FARS2: variants seen among roughly 807,000 people sequenced by gnomAD.
FARS2 encodes the protein phenylalanyl-tRNA synthetase 2, mitochondrial.
A neutral mutation model predicts 46.4 loss-of-function variants in FARS2; 40 were observed. That is an observed-to-expected ratio of 0.86 (90% confidence interval 0.67 to 1.12). FARS2 has a LOEUF of 1.12. FARS2 is among the 50% of genes most tolerant of loss of function. The pLI is 0.00. For synonymous variants in FARS2, 234 were observed against 214.9 expected (o/e 1.09, Z -0.78); for missense variants, 513 against 567.9 (o/e 0.90, Z 0.98).
chr6:5,679,326 G>A (rs774747180), intron 6 of FARS2, among the ~76,000 whole-genome samples: 14 of 152,040 alleles, frequency 9.2e-5, no homozygotes, highest in Non-Finnish European at 1.6e-4. Flanking sequence ...ACATAATTGC[G>A]ACCAAAATGT....
intron 1 of FARS2, among the ~76,000 whole-genome samples, chr6:5,329,892 A>T (rs1770673649): frequency 6.6e-6 from 1 of 152,158 alleles, no homozygotes; most frequent in Non-Finnish European, 1.5e-5. Flanking sequence ...TCGAGCTTTA[A>T]TTACATCGAC....
intron 5 of FARS2, among the ~76,000 whole-genome samples, chr6:5,573,903 G>A (rs1772803792): frequency 6.6e-6 from 1 of 152,138 alleles, no homozygotes; most frequent in Non-Finnish European, 1.5e-5. Context: ...CAATCTCAGG[G>A]AAGTAGAACA....
chr6:5,284,419 G>T (rs1323401791), intron 1 of FARS2, among the ~76,000 whole-genome samples: 1 of 152,112 alleles, frequency 6.6e-6, no homozygotes, highest in Non-Finnish European at 1.5e-5. Flanking sequence ...TCGATCGTAG[G>T]ACAAGTTAGA....
intron 4 of FARS2, among the ~76,000 whole-genome samples, chr6:5,435,504 C>T (rs996948669): frequency 1.3e-5 from 2 of 152,178 alleles, no homozygotes; most frequent in Admixed American, 1.3e-4. Context: ...TTCCTTAAGT[C>T]GTAGTGTCTT....
At chr6:5,312,794 G>A (rs1434151936) in intron 1 of FARS2, among the ~76,000 whole-genome samples, 1 of 152,198 alleles carries the variant, frequency 6.6e-6, no homozygotes, top group Non-Finnish European at 1.5e-5. Flanking sequence ...GCACAGTGTT[G>A]AATAGCAAAG....
chr6:5,298,247 C>T lies in FARS2; in HGVS notation c.-22+36587C>T, dbSNP rs971528089. On this transcript the variant is annotated intron_variant, in intron 1 of 6. Coordinates refer to ENST00000274680, the MANE Select transcript of FARS2 (RefSeq NM_006567.5). ...ATGTCACTCTCTGTCTCCACTGCTTCTTGTATTGTTGTCAGGGAGATGCCC... is the reference window on the plus strand; with the variant it reads ...ATGTCACTCTCTGTCTCCACTGCTTTTTGTATTGTTGTCAGGGAGATGCCC... Among the ~76,000 whole-genome samples, 3 of 152,208 alleles carry T rather than the reference C, an allele frequency of 2.0e-5. No homozygotes were observed. In the East Asian group the frequency reaches 5.8e-4, roughly 29 times the overall value.
chr6:5,510,717 A>G (rs969122603), intron 4 of FARS2, among the ~76,000 whole-genome samples: 1 of 152,134 alleles, frequency 6.6e-6, no homozygotes, highest in African/African-American at 2.4e-5. Context: ...GCTTGACCCC[A>G]TATGTAGTAG....
At chr6:5,523,995 T>G (rs2150434870) in intron 4 of FARS2, among the ~76,000 whole-genome samples, 1 of 152,280 alleles carries the variant, frequency 6.6e-6, no homozygotes, top group African/African-American at 2.4e-5. Context: ...CATGATGAAT[T>G]CTTAGTTTTT....
rs1211460970 is a variant in FARS2, at chr6:5,759,395, G to A, written c.1218-11896G>A. ...TTCTTTGTAATTCTTTAACTAATGC[G>A]TGTCTCCTATGCTAGACTGTGGAAT... On this transcript the variant is annotated intron_variant, in intron 6 of 6. Transcript: ENST00000274680. Among the ~76,000 whole-genome samples the A allele has an allele frequency of 3.3e-5, 5 of 151,986 alleles. No homozygotes were observed. The South Asian group carries it at 8.3e-4, about 25-fold the overall frequency.
intron 6 of FARS2, among the ~76,000 whole-genome samples, chr6:5,763,760 C>A (rs1762606862): frequency 9.4e-6 from 1 of 106,562 alleles, no homozygotes; most frequent in African/African-American, 3.1e-5. Context: ...ATCTTCTCTT[C>A]CCTTTTGGTT....
chr6:5,622,331 A>G (rs1316973627), intron 6 of FARS2, among the ~76,000 whole-genome samples: 1 of 152,208 alleles, frequency 6.6e-6, no homozygotes, highest in Non-Finnish European at 1.5e-5. Context: ...TTGTTGGCTC[A>G]TTCTTAGCTT....
At chr6:5,475,868 T>C (rs200213) in intron 4 of FARS2, among the ~76,000 whole-genome samples, 130,423 of 152,118 alleles carry the variant, frequency 0.86, 56,048 homozygotes, top group East Asian at 1. Context: ...CTGTCATGGA[T>C]GCCGGTCGTT....
chr6:5,496,871 T>G (rs973668992), intron 4 of FARS2, among the ~76,000 whole-genome samples: 1 of 152,278 alleles, frequency 6.6e-6, no homozygotes, highest in South Asian at 2.1e-4. Flanking sequence ...TTTTTAGAGG[T>G]AGAGGTCTCA....
At chr6:5,523,907 C>T (rs1394879037) in intron 4 of FARS2, among the ~76,000 whole-genome samples, 1 of 152,140 alleles carries the variant, frequency 6.6e-6, no homozygotes, top group East Asian at 1.9e-4. Flanking sequence ...ATGGGAGAGC[C>T]ACTGTTTCTT....
chr6:5,457,492 G>A (rs1347508901), intron 4 of FARS2, among the ~76,000 whole-genome samples: 2 of 152,164 alleles, frequency 1.3e-5, no homozygotes, highest in Non-Finnish European at 2.9e-5. Flanking sequence ...TGTTTGTTGA[G>A]CAGACTGTTA....
intron 6 of FARS2, among the ~76,000 whole-genome samples, chr6:5,716,509 C>T (rs1466832298): frequency 6.6e-6 from 1 of 152,182 alleles, no homozygotes; most frequent in Non-Finnish European, 1.5e-5. Context: ...AGGGATTTCT[C>T]CCCGCCAACA....
intron 4 of FARS2, among the ~76,000 whole-genome samples, chr6:5,513,618 C>G (rs758267638): frequency 2.0e-5 from 3 of 152,206 alleles, no homozygotes; most frequent in Admixed American, 6.5e-5. Flanking sequence ...CTGGCATTGC[C>G]TTGTGGCCTT....
At chr6:5,738,134 T>C (rs190847182) in intron 6 of FARS2, among the ~76,000 whole-genome samples, 1 of 152,294 alleles carries the variant, frequency 6.6e-6, no homozygotes, top group East Asian at 1.9e-4. Flanking sequence ...AATTTTTTTG[T>C]AGAGACAGGG....
In FARS2 at chr6:5,763,296, C is replaced by A. The variant is rs565414900; in HGVS notation, c.1218-7995C>A. The stretch of plus-strand genomic sequence containing the variant: ...GCGAGACCCTGTCTCTACATGAAAT[C>A]AAAAAATTAACTAGATGTGGTGGTG... On this transcript the variant is annotated intron_variant, in intron 6 of 6. Coordinates refer to ENST00000274680, the MANE Select transcript of FARS2 (RefSeq NM_006567.5). Among the ~76,000 whole-genome samples, 25 of 152,094 alleles carry A rather than the reference C, an allele frequency of 1.6e-4. No homozygotes were observed. The East Asian group carries it at 4.8e-3, about 29-fold the overall frequency.
Sources: gnomAD v4.1 joint callset for allele counts (sites outside exome capture counted in the v4.1 genomes callset) on GRCh38, gnomAD v4.1.1 for gene constraint, MANE v1.5 for transcripts, NCBI Gene and HGNC (gene_info 2026-07-23, HGNC 2026-07-21) for gene names.